PTPRD: variants seen among roughly 807,000 people sequenced by gnomAD.
The protein encoded by PTPRD is receptor-type tyrosine-protein phosphatase delta.
Under a neutral mutation model 214.5 loss-of-function variants are expected in PTPRD, and 34 were observed. The observed-to-expected ratio is 0.16, with a 90% confidence interval of 0.12 to 0.21. The LOEUF is 0.21. PTPRD is among the 10% of genes least tolerant of loss of function. The probability of loss-of-function intolerance (pLI) is 1.00; values close to 1 mark genes in which losing one functional copy is unlikely to be tolerated. For synonymous variants in PTPRD, 1,128 were observed against 845.7 expected, an observed-to-expected ratio of 1.33 and a Z score of -5.79; for missense variants, 2,545 against 2,398.7, an observed-to-expected ratio of 1.06 and a Z score of -1.27.
intron 36 of PTPRD, among the ~76,000 whole-genome samples, chr9:8,396,565 A>C (rs2091227599): frequency 6.6e-6 from 1 of 152,110 alleles, no homozygotes; most frequent in Non-Finnish European, 1.5e-5. Context: ...GATAAAAATA[A>C]ACTCACTCCC....
chr9:9,641,087 G>T (rs372113267), intron 7 of PTPRD, among the ~76,000 whole-genome samples: 129 of 91,456 alleles, frequency 1.4e-3, no homozygotes, highest in African/African-American at 3.4e-3. Context: ...GAAAGCTATA[G>T]CTTTAAATAG....
chr9:9,424,339 G>A (rs1034092700), intron 8 of PTPRD, among the ~76,000 whole-genome samples: 8 of 152,120 alleles, frequency 5.3e-5, no homozygotes, highest in Admixed American at 2.0e-4. Flanking sequence ...GGTAATGTTC[G>A]AAAGAAGCAA....
intron 4 of PTPRD, among the ~76,000 whole-genome samples, chr9:10,023,843 G>A (rs1296906760): frequency 6.6e-6 from 1 of 151,846 alleles, no homozygotes; most frequent in African/African-American, 2.4e-5. Context: ...GATAGACATA[G>A]CAGTGTTTCT....
At chr9:8,409,649 A>G (rs1212794845) in intron 35 of PTPRD, among the ~76,000 whole-genome samples, 1 of 152,160 alleles carries the variant, frequency 6.6e-6, no homozygotes, top group Admixed American at 6.6e-5. Context: ...CTTTTTACCC[A>G]GAAGAAAAAT....
chr9:9,706,201 C>A (rs563416295), intron 7 of PTPRD, among the ~76,000 whole-genome samples: 12 of 152,094 alleles, frequency 7.9e-5, no homozygotes, highest in African/African-American at 2.9e-4. Flanking sequence ...ACAGTTGTTA[C>A]AAAAGAAAAC....
intron 8 of PTPRD, among the ~76,000 whole-genome samples, chr9:9,493,092 G>A (rs2095993668): frequency 6.6e-6 from 1 of 151,146 alleles, no homozygotes; most frequent in South Asian, 2.1e-4. Flanking sequence ...AACCCTAAAA[G>A]GCCTCTAAGT....
At chr9:9,127,721 C>T (rs2099836259) in intron 10 of PTPRD, among the ~76,000 whole-genome samples, 1 of 151,962 alleles carries the variant, frequency 6.6e-6, no homozygotes, top group Non-Finnish European at 1.5e-5. Flanking sequence ...TTTATATATA[C>T]ATGTATCAGT....
chr9:9,514,308 GT>G (rs147767835), intron 8 of PTPRD, among the ~76,000 whole-genome samples: 1 of 152,140 alleles, frequency 6.6e-6, no homozygotes, highest in East Asian at 1.9e-4. Flanking sequence ...TCATAACTGA[GT>G]TTTTTTGATG....
chr9:9,015,062 G>T (rs434292), intron 11 of PTPRD, among the ~76,000 whole-genome samples: 53,721 of 151,860 alleles, frequency 0.35, 9,759 homozygotes, highest in Middle Eastern at 0.46. Context: ...ATCAATTTGT[G>T]TAAAAAAAGA....
chr9:8,603,147 TA>T (rs766151810), intron 14 of PTPRD, among the ~76,000 whole-genome samples: 15 of 152,364 alleles, frequency 9.8e-5, no homozygotes, highest in East Asian at 3.9e-4. Context: ...CAGAAACTAA[TA>T]ATGATTTTAA....
intron 3 of PTPRD, among the ~76,000 whole-genome samples, chr9:10,151,701 T>C (rs1256367561): frequency 1.3e-5 from 2 of 152,154 alleles, no homozygotes; most frequent in African/African-American, 4.8e-5. Context: ...AGATATTAAA[T>C]TGTCCCAAAC....
At chr9:9,658,747 C>A (rs1594488273) in intron 7 of PTPRD, among the ~76,000 whole-genome samples, 1 of 152,150 alleles carries the variant, frequency 6.6e-6, no homozygotes. Context: ...ATACGGCCGG[C>A]ACTGCTGGGA....
chr9:9,168,783 G>A (rs1592808172), intron 10 of PTPRD, among the ~76,000 whole-genome samples: 2 of 151,946 alleles, frequency 1.3e-5, no homozygotes, highest in Admixed American at 1.3e-4. Flanking sequence ...TTTCTGAGAG[G>A]AAGAAAGCAG....
At chr9:8,946,540 T>C (rs759366348) in intron 11 of PTPRD, among the ~76,000 whole-genome samples, 2 of 152,206 alleles carry the variant, frequency 1.3e-5, no homozygotes, top group Admixed American at 1.3e-4. Context: ...CTGTAGCTGA[T>C]GGGCTTTAGC....
At chr9:10,137,929 T>C (rs1451979628) in intron 3 of PTPRD, among the ~76,000 whole-genome samples, 1 of 151,776 alleles carries the variant, frequency 6.6e-6, no homozygotes, top group African/African-American at 2.4e-5. Flanking sequence ...AACACCTACA[T>C]CAAGAACTTA....
rs1385381453 is a variant in PTPRD at position 8,645,300 on chromosome 9, T to C, written c.65-8456A>G. 4.6e-5 allele frequency among the ~76,000 whole-genome samples: 7 copies of C among 152,312 alleles called. No individual in the cohort carries two copies. The East Asian group carries it at 1.2e-3, about 25-fold the overall frequency. Reference sequence around the variant, plus strand: ...TGTCTGACCAAGAGACAAAAATCAATGTCAGAAAATTCATAAACAAATCAC... The same window carrying C: ...TGTCTGACCAAGAGACAAAAATCAACGTCAGAAAATTCATAAACAAATCAC... On this transcript the variant is annotated intron_variant, in intron 12 of 45. Transcript: ENST00000381196.
At chr9:9,345,884 G>A (rs2048617990) in intron 9 of PTPRD, among the ~76,000 whole-genome samples, 1 of 152,154 alleles carries the variant, frequency 6.6e-6, no homozygotes, top group African/African-American at 2.4e-5. Flanking sequence ...AAAGCATTAT[G>A]AAAGTATTTC....
intron 45 of PTPRD, among the ~76,000 whole-genome samples, chr9:8,318,677 C>T (rs919738193): frequency 1.3e-5 from 2 of 152,014 alleles, no homozygotes; most frequent in Non-Finnish European, 2.9e-5. Context: ...CCTGTAAATT[C>T]AGCCCAATTC....
intron 8 of PTPRD, among the ~76,000 whole-genome samples, chr9:9,494,024 C>T (rs955030781): frequency 6.6e-6 from 1 of 151,958 alleles, no homozygotes; most frequent in Non-Finnish European, 1.5e-5. Context: ...TCATGAATGG[C>T]TATGAGGGGA....
Sources: gnomAD v4.1 joint callset for allele counts (sites outside exome capture counted in the v4.1 genomes callset) on GRCh38, gnomAD v4.1.1 for gene constraint, MANE v1.5 for transcripts, NCBI Gene and HGNC (gene_info 2026-07-23, HGNC 2026-07-21) for gene names.